The following PTPRR variants were observed in gnomAD, a reference collection of about 807,000 sequenced individuals.
PTPRR encodes protein tyrosine phosphatase receptor type R, also known as receptor-type tyrosine-protein phosphatase R.
In PTPRR, 38 loss-of-function variants were observed where a neutral mutation model predicts 77.2. That is an observed-to-expected ratio of 0.49 (90% CI 0.38 to 0.65). The LOEUF (loss-of-function observed/expected upper bound fraction) is 0.65. Among genes scored for constraint, PTPRR ranks in the 30% least tolerant of loss-of-function variants. The pLI, the probability that PTPRR is intolerant of heterozygous loss-of-function variation, is 0.00. For missense variants in PTPRR, 744 were observed against 799.2 expected, an observed-to-expected ratio of 0.93 and a Z score of 0.83; for synonymous variants, 299 against 283.1, an observed-to-expected ratio of 1.06 and a Z score of -0.57.
At chr12:70,838,511 C>G (rs538048812) in intron 2 of PTPRR, among the ~76,000 whole-genome samples, 7 of 152,210 alleles carry the variant, frequency 4.6e-5, no homozygotes, top group African/African-American at 1.7e-4. Flanking sequence ...TTGATTGAGA[C>G]TATTTGGGAG....
intron 2 of PTPRR, among the ~76,000 whole-genome samples, chr12:70,847,999 T>C (rs1426972455): frequency 6.6e-6 from 1 of 152,178 alleles, no homozygotes; most frequent in East Asian, 1.9e-4. Context: ...GAAAACTATT[T>C]CATATGGGCA....
intron 2 of PTPRR, among the ~76,000 whole-genome samples, chr12:70,865,133 C>T (rs911362198): frequency 3.9e-5 from 6 of 152,148 alleles, no homozygotes; most frequent in African/African-American, 7.2e-5. Flanking sequence ...GATTTTATAA[C>T]GGGTTTCTCC....
In PTPRR at chr12:70,701,284, G is replaced by A; in HGVS notation, c.1047C>T (p.Ser349=). 1 of 1,613,856 alleles carries A rather than the reference G, an allele frequency of 6.2e-7. No individual in the cohort carries two copies. Among genetic ancestry groups the A allele is most frequent in the African/African-American group, 1.3e-5 (1 of 75,004 alleles). ...ACACAAAGGGTTCAATGTTCCCCAAGCTACTCATGTCCAATGTAAGAGATA... is the reference window on the plus strand; with the variant it reads ...ACACAAAGGGTTCAATGTTCCCCAAACTACTCATGTCCAATGTAAGAGATA... ...SNVSLTLDMS[S]LGNIEPFVSI... Residue 349 remains serine, a synonymous_variant, in exon 7 of 14, where the codon AGC becomes AGT. Coordinates refer to ENST00000283228, the MANE Select transcript of PTPRR (RefSeq NM_002849.4).
intron 4 of PTPRR, among the ~76,000 whole-genome samples, chr12:70,758,089 C>T (rs192625991): frequency 8.7e-4 from 132 of 152,330 alleles, no homozygotes; most frequent in Admixed American, 2.0e-3. Context: ...TCTAGGAGTA[C>T]TCAAACAAAA....
intron 2 of PTPRR, among the ~76,000 whole-genome samples, chr12:70,884,168 C>T (rs1297862350): frequency 6.6e-6 from 1 of 152,152 alleles, no homozygotes; most frequent in African/African-American, 2.4e-5. Flanking sequence ...GAAAGAAACA[C>T]GTTGCTTCTA....
chr12:70,746,260 A>C (rs967684349), intron 5 of PTPRR, among the ~76,000 whole-genome samples, 174 bp from the exon 6 acceptor site: 1 of 152,214 alleles, frequency 6.6e-6, no homozygotes, highest in East Asian at 1.9e-4. Context: ...TTCTCAAGAC[A>C]GTACACTTGG....
At chr12:70,857,404 T>C (rs1892671909) in intron 2 of PTPRR, among the ~76,000 whole-genome samples, 3 of 152,126 alleles carry the variant, frequency 2.0e-5, no homozygotes, top group Admixed American at 1.3e-4. Context: ...ATTGGAGTGA[T>C]GGAGGTGAAT....
chr12:70,881,181 A>C (rs79235979), intron 2 of PTPRR, among the ~76,000 whole-genome samples: 4,351 of 152,314 alleles, frequency 0.029, 100 homozygotes, highest in Non-Finnish European at 0.045. Flanking sequence ...GTACTTGTTC[A>C]GGTTAAAAAC....
chr12:70,881,983 T>A (rs1431444827), intron 2 of PTPRR, among the ~76,000 whole-genome samples: 1 of 152,234 alleles, frequency 6.6e-6, no homozygotes, highest in African/African-American at 2.4e-5. Flanking sequence ...GTGTTTATTG[T>A]GACACTATTG....
At chr12:70,756,934 T>G (rs550150283) in intron 4 of PTPRR, among the ~76,000 whole-genome samples, 3 of 152,246 alleles carry the variant, frequency 2.0e-5, no homozygotes, top group South Asian at 2.1e-4. Context: ...TTACAAAGTA[T>G]CTGGTTAATT....
intron 2 of PTPRR, among the ~76,000 whole-genome samples, chr12:70,808,081 C>T (rs978753345): frequency 2.6e-5 from 4 of 151,996 alleles, no homozygotes; most frequent in African/African-American, 7.3e-5. Flanking sequence ...AATGCATTCC[C>T]AGGGGAGGCC....
chr12:70,860,911 CCTTG>C (rs1892742168), intron 2 of PTPRR, among the ~76,000 whole-genome samples: 1 of 152,004 alleles, frequency 6.6e-6, no homozygotes, highest in African/African-American at 2.4e-5. Context: ...CTCTCTATTC[CCTTG>C]CTTGTTTTAT....
intron 10 of PTPRR, among the ~76,000 whole-genome samples, chr12:70,665,528 T>C (rs1264654781): frequency 1.3e-5 from 2 of 151,792 alleles, no homozygotes; most frequent in East Asian, 3.9e-4. Context: ...ATTACAGGTG[T>C]GCACCATCAC....
intron 13 of PTPRR, among the ~76,000 whole-genome samples, chr12:70,648,065 C>G (rs1252486564): frequency 6.6e-6 from 1 of 152,076 alleles, no homozygotes; most frequent in Non-Finnish European, 1.5e-5. Flanking sequence ...CAGCAGAACC[C>G]CCAAAATCCA....
At chr12:70,913,631 C>T (rs1243574765) in intron 1 of PTPRR, among the ~76,000 whole-genome samples, 1 of 152,074 alleles carries the variant, frequency 6.6e-6, no homozygotes, top group African/African-American at 2.4e-5. Flanking sequence ...CACACAAGTA[C>T]ACTACAAATA....
intron 2 of PTPRR, among the ~76,000 whole-genome samples, chr12:70,857,769 G>A (rs1271186084): frequency 2.1e-4 from 32 of 152,082 alleles, no homozygotes; most frequent in Admixed American, 2.1e-3. Context: ...TTTACCCTAG[G>A]GAGACAGGAG....
intron 2 of PTPRR, among the ~76,000 whole-genome samples, chr12:70,771,513 G>A (rs1218366479): frequency 6.6e-6 from 1 of 151,994 alleles, no homozygotes; most frequent in Non-Finnish European, 1.5e-5. Flanking sequence ...TTCCCATGTC[G>A]CAAACCTGCA....
rs1318860708 is a variant in PTPRR at position 70,684,257 on chromosome 12, C to T, written c.1367G>A (p.Ser456Asn). 6.2e-7 allele frequency: 1 copy of T among 1,613,024 alleles called. No individual in the cohort carries two copies. Among genetic ancestry groups the T allele is most frequent in the Admixed American group, 1.7e-5 (1 of 59,836 alleles). The change falls in exon 10 of 14, where the codon AGT becomes AAT. Residue 456 changes from serine to asparagine, a missense_variant. Ser to Asn is a conservative substitution (Grantham distance 46). Transcript: ENST00000283228. ...YINANYIRGY[S>N]GKEKAFIATQ... ...GGCAATGAAGGCTTTCTCCTTGCCA[C>T]TGTAGCCCTAGATGGAGTAAAGAAA...
intron 8 of PTPRR, among the ~76,000 whole-genome samples, chr12:70,697,725 T>A (rs1228025034): frequency 7.1e-6 from 1 of 140,918 alleles, no homozygotes; most frequent in African/African-American, 2.6e-5. Flanking sequence ...TGAGTCAATT[T>A]TTGTCTTCAA....
Sources: allele counts gnomAD v4.1 joint callset (sites outside exome capture counted in the v4.1 genomes callset), GRCh38; gene constraint gnomAD v4.1.1; transcripts MANE v1.5; gene names NCBI Gene and HGNC (gene_info 2026-07-23, HGNC 2026-07-21).